The following GALC variants were observed in gnomAD, a reference collection of about 807,000 sequenced individuals.
GALC encodes galactocerebrosidase.
Under a neutral mutation model 91.8 loss-of-function variants are expected in GALC, and 77 were observed. That is an observed-to-expected ratio of 0.84 (90% confidence interval 0.70 to 1.01). The LOEUF (loss-of-function observed/expected upper bound fraction) is 1.01. Ranked by LOEUF, GALC falls within the 50% of genes least tolerant of loss-of-function variation. The pLI, the probability that GALC is intolerant of heterozygous loss-of-function variation, is 0.00. For missense variants in GALC, 882 were observed against 855.9 expected, an observed-to-expected ratio of 1.03 and a Z score of -0.38; for synonymous variants, 357 against 306.7, an observed-to-expected ratio of 1.16 and a Z score of -1.71.
chr14:87,956,585 C>CATATAT (rs147592843), intron 10 of GALC, among the ~76,000 whole-genome samples: 1 of 137,154 alleles, frequency 7.3e-6, no homozygotes, highest in Non-Finnish European at 1.5e-5. Flanking sequence ...ACACACACAC[C>CATATAT]ATATATATAC....
chr14:87,945,782 G>A (rs1036284245), intron 13 of GALC, 49 bp from the exon 14 acceptor site: 3 of 1,340,086 alleles, frequency 2.2e-6, no homozygotes, highest in African/African-American at 1.4e-5. Context: ...TCCTTCAGAA[G>A]CTCTCCTTGC....
At chr14:87,953,661 A>G in intron 10 of GALC, 1 of 1,609,472 alleles carries the variant, frequency 6.2e-7, no homozygotes, top group Non-Finnish European at 8.5e-7. Context: ...GCCAGTCTGA[A>G]GCTCTATCTA....
intron 7 of GALC, among the ~76,000 whole-genome samples, chr14:87,975,874 G>A (rs1046621392): frequency 4.6e-5 from 7 of 152,028 alleles, no homozygotes; most frequent in Non-Finnish European, 8.8e-5. Flanking sequence ...TGAGGTCAGG[G>A]CCCAGAGTGC....
rs1473213469 is a variant in GALC at position 87,947,887 on chromosome 14, G to T, written c.1339-9C>A. On this transcript the variant is annotated splice_polypyrimidine_tract_variant and intron_variant, in intron 12 of 16. Coordinates refer to ENST00000261304, the MANE Select transcript of GALC (RefSeq NM_000153.4). ...CCATCGCTGTCAAGGAGCTGAAAAA[G>T]AAGACACTACTGTATTCAGGACCAG... 1 of 1,611,166 alleles carries T rather than the reference G, an allele frequency of 6.2e-7. No homozygotes were observed. Among genetic ancestry groups the T allele is most frequent in the South Asian group, 1.1e-5 (1 of 91,036 alleles).
At chr14:87,956,600 AC>A (rs1337585221) in intron 10 of GALC, among the ~76,000 whole-genome samples, 1 of 110,310 alleles carries the variant, frequency 9.1e-6, no homozygotes, top group African/African-American at 3.1e-5. Flanking sequence ...ATATACACAC[AC>A]ACACACACAC....
intron 12 of GALC, among the ~76,000 whole-genome samples, chr14:87,948,356 C>T (rs1475853037): frequency 1.3e-5 from 2 of 151,980 alleles, no homozygotes; most frequent in Non-Finnish European, 2.9e-5. Flanking sequence ...ATATATATTT[C>T]AACTAGCAAG....
intron 1 of GALC, chr14:87,992,573 C>T (rs1887250248): frequency 1.3e-6 from 2 of 1,488,026 alleles, no homozygotes; most frequent in Non-Finnish European, 1.8e-6. Context: ...CGCACACGGA[C>T]GCTCCCGCAC....
chr14:87,968,074 T>A (rs1886128886), intron 8 of GALC, among the ~76,000 whole-genome samples: 1 of 152,116 alleles, frequency 6.6e-6, no homozygotes, highest in Non-Finnish European at 1.5e-5. Context: ...AAGTAGCTTG[T>A]CAAAAATCAG....
intron 1 of GALC, chr14:87,992,459 T>A: frequency 6.5e-7 from 1 of 1,534,798 alleles, no homozygotes; most frequent in Non-Finnish European, 8.7e-7. Context: ...GAGCCCATTC[T>A]TACCCTGCAC....
intron 5 of GALC, among the ~76,000 whole-genome samples, chr14:87,983,371 G>A (rs1886825874): frequency 6.6e-6 from 1 of 152,056 alleles, no homozygotes; most frequent in Non-Finnish European, 1.5e-5. Context: ...TCATAATTTG[G>A]AAAAGGATAG....
intron 12 of GALC, 45 bp from the exon 13 acceptor site, chr14:87,947,923 T>G (rs756106498): frequency 6.4e-7 from 1 of 1,565,534 alleles, no homozygotes; most frequent in Non-Finnish European, 8.8e-7. Context: ...GTACTATAGC[T>G]CATCTCATGT....
chr14:87,943,484 T>G (rs776338961), intron 14 of GALC, among the ~76,000 whole-genome samples: 39 of 151,954 alleles, frequency 2.6e-4, no homozygotes, highest in South Asian at 1.7e-3. Flanking sequence ...CTAAACAAAT[T>G]TCTCATTTCC....
chr14:87,966,667 A>C (rs1405348248), intron 8 of GALC, among the ~76,000 whole-genome samples: 1 of 152,194 alleles, frequency 6.6e-6, no homozygotes, highest in Admixed American at 6.5e-5. Context: ...CTTTCTGGCT[A>C]GTGATAGATG....
At position 87,939,897 on chromosome 14, in the gene GALC, A is replaced by ATACT; in HGVS notation, c.1911+4_1911+7dup. On this transcript the variant is annotated splice_region_variant and intron_variant, in intron 16 of 16. Coordinates refer to ENST00000261304, the MANE Select transcript of GALC (RefSeq NM_000153.4). The stretch of plus-strand genomic sequence containing the variant: ...TTTTACCTCCAGACTCCAATCAGCA[A>ATACT]TACTTACCTTAATAGTTAACGTGAG... 6.3e-7 allele frequency: 1 copy of ATACT among 1,589,030 alleles called. No individual in the cohort carries two copies. The highest frequency in any genetic ancestry group is 1.1e-5 in the South Asian group (1 of 90,626).
At chr14:87,971,280 G>A (rs1476214113) in intron 7 of GALC, among the ~76,000 whole-genome samples, 1 of 152,240 alleles carries the variant, frequency 6.6e-6, no homozygotes. Context: ...GGGACTGGCC[G>A]GTACTCACAC....
At chr14:87,966,502 T>TAA (rs144700146) in intron 8 of GALC, among the ~76,000 whole-genome samples, 1 of 151,774 alleles carries the variant, frequency 6.6e-6, no homozygotes, top group Non-Finnish European at 1.5e-5. Flanking sequence ...TCATCCAGTA[T>TAA]AAAAAAAAGA....
chr14:87,985,300 A>G (rs1345462739), intron 4 of GALC, among the ~76,000 whole-genome samples: 1 of 152,252 alleles, frequency 6.6e-6, no homozygotes, highest in African/African-American at 2.4e-5. Context: ...AAAAATAAAA[A>G]TCAAAATGAC....
In GALC at chr14:87,988,224, C is replaced by T. The variant is rs1887053462; in HGVS notation, c.265-17G>A. The T allele has an allele frequency of 6.2e-7, 1 of 1,604,450 alleles. No homozygotes were observed. The highest frequency in any genetic ancestry group is 8.5e-7 in the Non-Finnish European group (1 of 1,171,628). ...AAAATTCGGCTGTGAAAAGAAGTAA[C>T]AGTATTAACATAGTGTTGTATTGTA... On this transcript the variant is annotated splice_polypyrimidine_tract_variant and intron_variant, in intron 2 of 16. Transcript: ENST00000261304.
intron 3 of GALC, among the ~76,000 whole-genome samples, chr14:87,986,810 T>C (rs951846157): frequency 6.6e-6 from 1 of 152,092 alleles, no homozygotes; most frequent in South Asian, 2.1e-4. Context: ...ATCTTAAGCA[T>C]TGTAAAAGTC....
Sources: allele counts gnomAD v4.1 joint callset (sites outside exome capture counted in the v4.1 genomes callset), GRCh38; gene constraint gnomAD v4.1.1; transcripts MANE v1.5; gene names NCBI Gene and HGNC (gene_info 2026-07-23, HGNC 2026-07-21).